MYO5C: variants seen among roughly 807,000 people sequenced by gnomAD.
MYO5C encodes unconventional myosin-Vc.
MYO5C carries 194 observed loss-of-function variants against 235.7 expected under a neutral mutation model. That is an observed-to-expected ratio of 0.82 (90% CI 0.73 to 0.93). The LOEUF is 0.93. Ranked by LOEUF, MYO5C falls within the 40% of genes least tolerant of loss-of-function variation. The pLI is 0.00. For missense variants in MYO5C, 2,038 were observed against 2,127.2 expected (o/e 0.96, Z 0.82); for synonymous variants, 707 against 754.8 (o/e 0.94, Z 1.04).
rs1217760329 is a variant in MYO5C, at chr15:52,253,390, T to C, written c.1463A>G (p.Tyr488Cys). The C allele has an allele frequency of 2.5e-6, 4 of 1,613,834 alleles. No individual in the cohort carries two copies. The highest frequency in any genetic ancestry group is 3.4e-6 in the Non-Finnish European group (4 of 1,179,840). Residue 488 changes from tyrosine (Y) to cysteine (C), a missense_variant, in exon 12 of 41, where the codon TAT (tyrosine) becomes TGT (cysteine). Transcript: ENST00000261839. ...CAGGTCAATAACTGGTTGATTGTCA[T>C]AAAAATCTATCAGCGTCCAAGGTAT... ...EDIPWTLIDF[Y>C]DNQPVIDLIE...
rs1040676139 is a variant in MYO5C at position 52,205,917 on chromosome 15, T to C, written c.4436A>G (p.Asn1479Ser). ...SPQQNKNCLNNFDLSEYRQIL... is the reference protein window; with the variant it reads ...SPQQNKNCLNSFDLSEYRQIL... ...CTGTCTGTATTCTGAAAGGTCAAAA[T>C]TGTTCAAGCAATTCTTATTCTGCTG... is the stretch of plus-strand genomic sequence containing the variant. The change falls in exon 37 of 41, where the codon AAT becomes AGT. Residue 1479 changes from asparagine to serine, a missense_variant. By Grantham distance (46) the Asn-to-Ser change is conservative. Coordinates refer to ENST00000261839, the MANE Select transcript of MYO5C (RefSeq NM_018728.4). 3 of 1,599,454 alleles carry C rather than the reference T, an allele frequency of 1.9e-6. No homozygotes were observed. Among genetic ancestry groups the C allele is most frequent in the Non-Finnish European group, 2.6e-6 (3 of 1,172,654 alleles).
chr15:52,209,988 A>C (rs1227916631), intron 35 of MYO5C, among the ~76,000 whole-genome samples: 2 of 152,088 alleles, frequency 1.3e-5, no homozygotes, highest in Non-Finnish European at 2.9e-5. Flanking sequence ...TTTTGAGACA[A>C]GGTCTGGCTC....
chr15:52,245,854 G>T, intron 17 of MYO5C, 102 bp downstream of exon 17: 1 of 1,101,978 alleles, frequency 9.1e-7, no homozygotes, highest in Non-Finnish European at 1.4e-6. Context: ...CTTTACAGAA[G>T]CCAAAAGTAT....
At chr15:52,216,637 G>T (rs1285797551) in intron 32 of MYO5C, among the ~76,000 whole-genome samples, 1 of 151,490 alleles carries the variant, frequency 6.6e-6, no homozygotes, top group African/African-American at 2.4e-5. Context: ...AGTGACAAAA[G>T]AGTCTGGAAA....
At chr15:52,226,690 G>C (rs905715169) in intron 25 of MYO5C, among the ~76,000 whole-genome samples, 1 of 152,180 alleles carries the variant, frequency 6.6e-6, no homozygotes, top group Non-Finnish European at 1.5e-5. Context: ...CACGTTCAGG[G>C]TCACATGCCA....
chr15:52,217,770 G>A (rs942234770), intron 32 of MYO5C, among the ~76,000 whole-genome samples: 4 of 152,156 alleles, frequency 2.6e-5, no homozygotes, highest in Non-Finnish European at 4.4e-5. Context: ...GGAAATGGGG[G>A]CCCTGTCAGC....
In MYO5C at chr15:52,229,167, T is replaced by C. The variant is rs2035894823; in HGVS notation, c.3173A>G (p.Lys1058Arg). ...EGEHVTSDGL[K>R]AEVARLSKQV... ...CTTGCTCAGGCGGGCCACTTCCGCCTTCAAGCCATCAGAAGTGACGTGCTC... is the reference window on the plus strand; with the variant it reads ...CTTGCTCAGGCGGGCCACTTCCGCCCTCAAGCCATCAGAAGTGACGTGCTC... Residue 1058 changes from lysine to arginine, a missense_variant, in exon 25 of 41, where the codon AAG becomes AGG. Transcript: ENST00000261839. The C allele has an allele frequency of 6.2e-7, 1 of 1,614,098 alleles. No individual in the cohort carries two copies. The highest frequency in any genetic ancestry group is 8.5e-7 in the Non-Finnish European group (1 of 1,180,052).
chr15:52,273,057 G>A (rs1431400776), intron 5 of MYO5C, among the ~76,000 whole-genome samples: 3 of 152,312 alleles, frequency 2.0e-5, no homozygotes, highest in African/African-American at 4.8e-5. Flanking sequence ...AGCGGCTCAC[G>A]CCTGTAATCC....
At position 52,247,450 on chromosome 15, in the gene MYO5C, C is replaced by T. The variant is rs556261262; in HGVS notation, c.1881+8G>A. ...TAGACCCCTCACTCTCAAACACCTT[C>T]TCAGTACCTTGCTCCCAACTGTGGT... On this transcript the variant is annotated splice_region_variant and intron_variant, in intron 15 of 40. Coordinates refer to ENST00000261839, the MANE Select transcript of MYO5C (RefSeq NM_018728.4). 1.2e-6 allele frequency: 2 copies of T among 1,613,978 alleles called. No individual in the cohort carries two copies. The highest frequency in any genetic ancestry group is 1.7e-6 in the Non-Finnish European group (2 of 1,179,892).
rs565930494 is a variant in MYO5C at position 52,230,371 on chromosome 15, A to G, written c.3027-1058T>C. Reference sequence around the variant, plus strand: ...GGGAAAAACTCTGAGAAAGAGAGCCACATTCCTAATAAATTTGTTTGATTT... The same window carrying G: ...GGGAAAAACTCTGAGAAAGAGAGCCGCATTCCTAATAAATTTGTTTGATTT... On this transcript the variant is annotated intron_variant, in intron 24 of 40. Transcript: ENST00000261839. Among the ~76,000 whole-genome samples the G allele has an allele frequency of 2.0e-5, 3 of 152,124 alleles. No individual in the cohort carries two copies. The South Asian group carries it at 6.2e-4, about 32-fold the overall frequency.
Position 52,237,585 on chromosome 15 carries a change from T to A in MYO5C, c.2765A>T (p.Asp922Val). ...TTCCAGCTTCTGAATCTTTTCCACA[T>A]CCCCAGCTCGAAGAGCAGCCAGGCT... is the stretch of plus-strand genomic sequence containing the variant. ...LTSLAALRAGDVEKIQKLEAE... is the reference protein window; with the variant it reads ...LTSLAALRAGVVEKIQKLEAE... Residue 922 changes from aspartate to valine, a missense_variant, in exon 22 of 41, where the codon GAT becomes GTT. Transcript: ENST00000261839. 6 of 1,614,098 alleles carry A rather than the reference T, an allele frequency of 3.7e-6. No individual in the cohort carries two copies. Among genetic ancestry groups the A allele is most frequent in the Non-Finnish European group, 5.1e-6 (6 of 1,180,026 alleles).
rs1476550584 is a variant in MYO5C, at chr15:52,285,431, C to CCCTCTCCCT, written c.28-2548_28-2540dup. ...TCCCTCCTCTCCCTCCTCTCCCTCT[C>CCCTCTCCCT]CCTCTCCCTCTCCCTCCTCTCCCTC... is the stretch of plus-strand genomic sequence containing the variant. On this transcript the variant is annotated intron_variant, in intron 1 of 40. Transcript: ENST00000261839. Among the ~76,000 whole-genome samples the CCCTCTCCCT allele has an allele frequency of 1.7e-4, 18 of 106,752 alleles. No homozygotes were observed. In the East Asian group the frequency reaches 4.5e-3, roughly 27 times the overall value. The allele number at this position is 106,752 out of a possible 152,430, so 70.0% of individuals were successfully genotyped here. A position where few individuals can be genotyped will look rare whatever the true frequency, so the allele number is the denominator to read the frequency against.
At chr15:52,197,269 CTG>C (rs1235352115) in intron 38 of MYO5C, among the ~76,000 whole-genome samples, 4 of 152,194 alleles carry the variant, frequency 2.6e-5, no homozygotes, top group Non-Finnish European at 5.9e-5. Context: ...AATGAACAAA[CTG>C]TGGCATTATC....
intron 38 of MYO5C, among the ~76,000 whole-genome samples, chr15:52,201,129 A>T (rs946023339): frequency 3.3e-5 from 5 of 152,222 alleles, no homozygotes; most frequent in Admixed American, 1.3e-4. Flanking sequence ...AAAATATCTG[A>T]AAAAACAGTG....
intron 2 of MYO5C, among the ~76,000 whole-genome samples, chr15:52,281,984 T>G (rs139631775): frequency 4.2e-4 from 64 of 152,328 alleles, no homozygotes; most frequent in Middle Eastern, 3.4e-3. Context: ...CCTAGGCTAC[T>G]AATCCAGTGG....
At position 52,218,631 on chromosome 15, in the gene MYO5C, T is replaced by C; in HGVS notation, c.3842A>G (p.Lys1281Arg). The C allele has an allele frequency of 1.2e-6, 2 of 1,614,218 alleles. No individual in the cohort carries two copies. Among genetic ancestry groups the C allele is most frequent in the Non-Finnish European group, 1.7e-6 (2 of 1,180,040 alleles). The change falls in exon 32 of 41, where the codon AAG (lysine) becomes AGG (arginine). Residue 1281 changes from lysine (K) to arginine (R), a missense_variant. Transcript: ENST00000261839. ...HTKEKEKLID[K>R]IQEMQEASDH... is the part of the protein sequence containing the mutation. ...ACTGGCCTCCTGCATTTCTTGAATC[T>C]TATCAATCAGCTTCTCCTTCTCTTT...
At chr15:52,294,683 T>G (rs2037461290) in intron 1 of MYO5C, among the ~76,000 whole-genome samples, 1 of 87,314 alleles carries the variant, frequency 1.1e-5, no homozygotes, top group Non-Finnish European at 2.7e-5. Flanking sequence ...TTTATGGCTA[T>G]TCAAATGGAT....
intron 36 of MYO5C, among the ~76,000 whole-genome samples, chr15:52,207,088 G>A (rs566636270): frequency 2.6e-5 from 4 of 151,596 alleles, no homozygotes; most frequent in African/African-American, 7.3e-5. Context: ...AGCCAAGATC[G>A]TGCCACTGTA....
At chr15:52,266,220 G>A (rs952661846) in intron 8 of MYO5C, among the ~76,000 whole-genome samples, 7 of 103,570 alleles carry the variant, frequency 6.8e-5, no homozygotes, top group Admixed American at 6.0e-4. Flanking sequence ...CATCCTTAGT[G>A]AGCCTGTCAC....
Sources: gnomAD v4.1 joint callset for allele counts (sites outside exome capture counted in the v4.1 genomes callset) on GRCh38, gnomAD v4.1.1 for gene constraint, MANE v1.5 for transcripts, NCBI Gene and HGNC (gene_info 2026-07-23, HGNC 2026-07-21) for gene names.